ARHGAP9: variants seen among roughly 807,000 people sequenced by gnomAD.
ARHGAP9 encodes the protein Rho GTPase activating protein 9, also known as rho GTPase-activating protein 9.
In ARHGAP9, 76 loss-of-function variants were observed where a neutral mutation model predicts 87.3. That is an observed-to-expected ratio of 0.87 (90% CI 0.72 to 1.05). ARHGAP9 has a LOEUF of 1.05. ARHGAP9 is among the 50% of genes least tolerant of loss of function. ARHGAP9 has a pLI of 0.00. For missense variants in ARHGAP9, 941 were observed against 960.5 expected (o/e 0.98, Z 0.27); for synonymous variants, 382 against 394.9 (o/e 0.97, Z 0.39).
chr12:57,486,005 C>T (rs1162768904), intron 1 of ARHGAP9, among the ~76,000 whole-genome samples: 2 of 152,122 alleles, frequency 1.3e-5, no homozygotes, highest in Non-Finnish European at 2.9e-5. Flanking sequence ...TACATGGCAG[C>T]TCAAAGCTAC....
rs1171541776 is a variant in ARHGAP9, at chr12:57,479,324, C to T, written c.83G>A (p.Cys28Tyr). 2 of 1,614,096 alleles carry T rather than the reference C, an allele frequency of 1.2e-6. No individual in the cohort carries two copies. The highest frequency in any genetic ancestry group is 1.3e-5 in the African/African-American group (1 of 74,946). The change falls in exon 2 of 18, where the codon TGT (cysteine) becomes TAT (tyrosine). Residue 28 changes from cysteine to tyrosine, a missense_variant. Physicochemically the swap from Cys to Tyr is radical, Grantham distance 194. Transcript: ENST00000393791. Reference sequence around the variant, plus strand: ...AGTATAAGTAAAGGCATAGAGGGCACAGAGCTGGGATCCCCGAGGAGGGCT... The same window carrying T: ...AGTATAAGTAAAGGCATAGAGGGCATAGAGCTGGGATCCCCGAGGAGGGCT... ...PRSPPRGSQL[C>Y]ALYAFTYTGA...
upstream of ARHGAP9, among the ~76,000 whole-genome samples, chr12:57,482,642 C>T (rs978154068): frequency 2.0e-5 from 3 of 152,080 alleles, no homozygotes; most frequent in Non-Finnish European, 4.4e-5. Flanking sequence ...GAAGTTGAGG[C>T]TGCAGTGATG....
At chr12:57,476,508 C>T (rs1355281612) in intron 7 of ARHGAP9, 54 bp from the exon 8 acceptor site, 3 of 1,612,648 alleles carry the variant, frequency 1.9e-6, no homozygotes, top group African/African-American at 2.7e-5. Flanking sequence ...TCTAGAATGA[C>T]ACGAGGAGGG....
At chr12:57,488,594 A>G (rs1277621696) in intron 1 of ARHGAP9, 6 of 1,550,974 alleles carry the variant, frequency 3.9e-6, no homozygotes, top group South Asian at 1.2e-5. Context: ...ACACACACAC[A>G]CGTTCCTTTC....
intron 14 of ARHGAP9, 28 bp downstream of exon 14, chr12:57,474,598 A>G (rs753744407): frequency 1.2e-6 from 2 of 1,614,080 alleles, no homozygotes; most frequent in East Asian, 4.5e-5. Context: ...CATTCTTAGT[A>G]CAACCACTGG....
rs771617741 is a variant in ARHGAP9 at position 57,474,675 on chromosome 12, C to T, written c.1680G>A (p.Val560=). Residue 560 remains valine, a synonymous_variant, in exon 14 of 18, where the codon GTG becomes GTA. Coordinates refer to ENST00000393791, the MANE Select transcript of ARHGAP9 (RefSeq NM_032496.4). The part of the protein sequence containing the change: ...RGLDVDGIYR[V]SGNLAVVQKL... The stretch of plus-strand genomic sequence containing the variant: ...TCTGGACCACTGCCAAGTTCCCGCT[C>T]ACCCGATAAATGCCATCCACATCTA... 2.5e-6 allele frequency: 4 copies of T among 1,614,192 alleles called. No individual in the cohort carries two copies. The African/African-American group carries it at 4.0e-5, about 16-fold the overall frequency.
At chr12:57,480,024 G>A, upstream of ARHGAP9, 6 of 985,424 alleles carry the variant, frequency 6.1e-6, no homozygotes, top group Non-Finnish European at 7.2e-6. Flanking sequence ...GACCAAATCA[G>A]AGAGAAAGAC....
upstream of ARHGAP9, among the ~76,000 whole-genome samples, chr12:57,481,667 C>T (rs1391512968): frequency 6.6e-6 from 1 of 152,184 alleles, no homozygotes; most frequent in Non-Finnish European, 1.5e-5. Context: ...AGAGTCACCC[C>T]CGACCTTGCC....
At position 57,476,916 on chromosome 12, in the gene ARHGAP9, G is replaced by A. The variant is rs1873935022; in HGVS notation, c.918C>T (p.Ala306=). The change falls in exon 6 of 18, where the codon GCC becomes GCT. Residue 306 remains alanine, a synonymous_variant. Coordinates refer to ENST00000393791, the MANE Select transcript of ARHGAP9 (RefSeq NM_032496.4). The part of the protein sequence containing the change: ...SQRTSQLDPP[A]LQAPRPLPQL... ...GCGGCAGAGGTCGAGGGGCCTGCAA[G>A]GCTGGAGGGTCAAGCTGCGAGGTGC... 1 of 1,613,946 alleles carries A rather than the reference G, an allele frequency of 6.2e-7. No individual in the cohort carries two copies. Among genetic ancestry groups the A allele is most frequent in the South Asian group, 1.1e-5 (1 of 91,080 alleles).
At chr12:57,474,777 G>C in intron 13 of ARHGAP9, 74 bp from the exon 14 acceptor site, 1 of 1,606,368 alleles carries the variant, frequency 6.2e-7, no homozygotes, top group Non-Finnish European at 8.5e-7. Flanking sequence ...AGGGTGGAGA[G>C]AAAAAGGGCA....
At position 57,479,857 on chromosome 12, in the gene ARHGAP9, G is replaced by A. The variant is rs1874834546; in HGVS notation, c.-146C>T. On this transcript the variant is annotated 5_prime_UTR_variant, in exon 1 of 18. Coordinates refer to ENST00000393791, the MANE Select transcript of ARHGAP9 (RefSeq NM_032496.4). ...TCAAGACAGAAACAGGGAGACACAA[G>A]GTTAATGACAAAGACAAAAATGTGT... 2.7e-6 allele frequency: 4 copies of A among 1,475,690 alleles called. No homozygotes were observed. The highest frequency in any genetic ancestry group is 3.6e-6 in the Non-Finnish European group (4 of 1,112,800). The allele number at this position is 1,475,690 out of a possible 1,614,324, so 91.4% of individuals were successfully genotyped here.
Position 57,476,594 on chromosome 12 carries a change from G to A in ARHGAP9, c.1021C>T (p.Leu341Phe). ...MTKIAQGGRK[L>F]RKNWGPSWVV... ...AGCTGTATTCTGGGTTCTCACCTGA[G>A]CTTGCGCCCCCCTTGGGCAATCTTG... The change falls in exon 7 of 18, where the codon CTC becomes TTC. Residue 341 changes from leucine (L) to phenylalanine (F), a missense_variant. By Grantham distance (22) the Leu-to-Phe change is conservative. Coordinates refer to ENST00000393791, the MANE Select transcript of ARHGAP9 (RefSeq NM_032496.4). The A allele has an allele frequency of 6.2e-7, 1 of 1,614,212 alleles. No individual in the cohort carries two copies. Among genetic ancestry groups the A allele is most frequent in the Non-Finnish European group, 8.5e-7 (1 of 1,180,046 alleles).
Position 57,479,210 on chromosome 12 carries a change from C to T in ARHGAP9, c.197G>A (p.Arg66His), listed in dbSNP as rs774379694. 11 of 1,614,158 alleles carry T rather than the reference C, an allele frequency of 6.8e-6. No homozygotes were observed. Among genetic ancestry groups the T allele is most frequent in the Admixed American group, 1.7e-5 (1 of 60,028 alleles). The change falls in exon 2 of 18, where the codon CGC becomes CAC. Residue 66 changes from arginine to histidine, a missense_variant. Coordinates refer to ENST00000393791, the MANE Select transcript of ARHGAP9 (RefSeq NM_032496.4). The stretch of plus-strand genomic sequence containing the variant: ...TCGAGAGGTGGAGGGAGCTTCTAGG[C>T]GTCTTGCCAACCACCAGTCGGAGTT... ...KTNSDWWLAR[R>H]LEAPSTSRPI...
chr12:57,475,842 G>A lies in ARHGAP9; in HGVS notation c.1302C>T (p.Ile434=). Residue 434 remains isoleucine, a synonymous_variant, in exon 10 of 18, where the codon ATC becomes ATT. Transcript: ENST00000393791. ...CCTCCACCCATCTAACCAGCCGCTC[G>A]ATGACAGTCCGCAGCGCGCGGTGCC... ...RAWHRALRTV[I]ERLDRENPLE... is the part of the protein sequence containing the mutation. The A allele has an allele frequency of 1.2e-6, 2 of 1,613,784 alleles. No individual in the cohort carries two copies. The highest frequency in any genetic ancestry group is 2.2e-5 in the East Asian group (1 of 44,860).
At chr12:57,488,081 T>C (rs778106911) in intron 1 of ARHGAP9, 41 of 1,612,790 alleles carry the variant, frequency 2.5e-5, no homozygotes, top group Non-Finnish European at 3.2e-5. Context: ...AGCGAGGGAT[T>C]CACGGCGAAA....
chr12:57,487,841 G>A, intron 1 of ARHGAP9: 1 of 443,116 alleles, frequency 2.3e-6, no homozygotes, highest in Non-Finnish European at 3.8e-6. Flanking sequence ...AGAGGGAGAC[G>A]CCCTCTCACA....
chr12:57,476,821 GAGGGGGGGC>G, intron 6 of ARHGAP9, 41 bp downstream of exon 6: 1 of 1,507,578 alleles, frequency 6.6e-7, no homozygotes, highest in Non-Finnish European at 9.2e-7. Context: ...GAAAAGGGGG[GAGGGGGGGC>G]AGGGAGGATC....
chr12:57,474,193 G>A lies in ARHGAP9; in HGVS notation c.1784-17C>T, dbSNP rs745931260. 3.7e-6 allele frequency: 6 copies of A among 1,604,894 alleles called. No homozygotes were observed. In the African/African-American group the frequency reaches 6.7e-5, roughly 18 times the overall value. ...ACCGACCTTCTGGAGGGAGAAGGAG[G>A]TATAGGGGCTCATGAAGGGCCAGAA... On this transcript the variant is annotated splice_polypyrimidine_tract_variant and intron_variant, in intron 15 of 17. Coordinates refer to ENST00000393791, the MANE Select transcript of ARHGAP9 (RefSeq NM_032496.4).
chr12:57,476,143 T>TG lies in ARHGAP9; in HGVS notation c.1139_1140insC (p.Glu380AspfsTer3), dbSNP rs1873572735. 1 of 1,542,964 alleles carries TG rather than the reference T, an allele frequency of 6.5e-7. No individual in the cohort carries two copies. On this transcript the variant is annotated frameshift_variant, in exon 9 of 18. Coordinates refer to ENST00000393791, the MANE Select transcript of ARHGAP9 (RefSeq NM_032496.4). LOFTEE classifies it high-confidence loss of function. ...CCGCCCCGCGCAGGTCCACGCTACT[T>TG]TCGGGCCGGCTACCCGCTGGTCCCT...
Sources: allele counts gnomAD v4.1 joint callset (sites outside exome capture counted in the v4.1 genomes callset), GRCh38; gene constraint gnomAD v4.1.1; transcripts MANE v1.5; gene names NCBI Gene and HGNC (gene_info 2026-07-23, HGNC 2026-07-21).